Variants in TACR2 observed in about 807,000 individuals in gnomAD.
TACR2 encodes the protein substance-K receptor.
A neutral mutation model predicts 28.9 loss-of-function variants in TACR2; 24 were observed. That is an observed-to-expected ratio of 0.83 (90% CI 0.60 to 1.17). The LOEUF is 1.17. TACR2 is among the 50% of genes most tolerant of loss of function. The pLI, the probability that TACR2 is intolerant of heterozygous loss-of-function variation, is 0.00. For missense variants in TACR2, 487 were observed against 524.4 expected, an observed-to-expected ratio of 0.93 and a Z score of 0.70; for synonymous variants, 222 against 212.6, an observed-to-expected ratio of 1.04 and a Z score of -0.38.
rs201951611 is a variant in TACR2, at chr10:69,416,533, T to C, written c.-210A>G. ...AGCACAAAGCCCAGTCCAGAACCAT[T>C]GTCATTTCAGATTCCATCCTTCCGG... On this transcript the variant is annotated 5_prime_UTR_variant, in exon 1 of 5. Coordinates refer to ENST00000373306, the MANE Select transcript of TACR2 (RefSeq NM_001057.3). The C allele has an allele frequency of 2.9e-5, 15 of 523,746 alleles. No individual in the cohort carries two copies. The highest frequency in any genetic ancestry group is 4.8e-5 in the Non-Finnish European group (15 of 310,142). The allele number at this position is 523,746 out of a possible 1,614,324, so 32.4% of individuals were successfully genotyped here.
chr10:69,416,259 C>A lies in TACR2; in HGVS notation c.65G>T (p.Gly22Val), dbSNP rs1840618341. 1 of 1,612,958 alleles carries A rather than the reference C, an allele frequency of 6.2e-7. No homozygotes were observed. Among genetic ancestry groups the A allele is most frequent in the Admixed American group, 1.7e-5 (1 of 59,986 alleles). The part of the protein sequence containing the change: ...ISSGPESNTT[G>V]ITAFSMPSWQ... ...GCTGGGCATGGAGAAGGCTGTGATG[C>A]CCGTGGTGTTGCTCTCAGGGCCAGA... Residue 22 changes from glycine (G) to valine (V), a missense_variant, in exon 1 of 5, where the codon GGC becomes GTC. Transcript: ENST00000373306.
At chr10:69,410,243 G>A (rs1009883464) in intron 2 of TACR2, among the ~76,000 whole-genome samples, 3 of 151,990 alleles carry the variant, frequency 2.0e-5, no homozygotes, top group Non-Finnish European at 4.4e-5. Flanking sequence ...TAGGCCAGGC[G>A]TGGTGGCTCA....
chr10:69,412,261 G>A (rs1229206858), intron 2 of TACR2, among the ~76,000 whole-genome samples: 1 of 152,168 alleles, frequency 6.6e-6, no homozygotes, highest in Non-Finnish European at 1.5e-5. Flanking sequence ...TGATTATAAT[G>A]GCTCCAGTAA....
chr10:69,406,992 G>T, intron 4 of TACR2, 92 bp downstream of exon 4: 1 of 1,337,560 alleles, frequency 7.5e-7, no homozygotes, highest in South Asian at 1.3e-5. Flanking sequence ...CGGCAGGAAT[G>T]AGGATGGATG....
chr10:69,416,316 G>T lies in TACR2; in HGVS notation c.8C>A (p.Thr3Asn), dbSNP rs751286004. 10 of 1,588,322 alleles carry T rather than the reference G, an allele frequency of 6.3e-6. No individual in the cohort carries two copies. In the Admixed American group the frequency reaches 1.7e-4, roughly 27 times the overall value. ...ATTGGCTTCAGTCACAATGTCACAG[G>T]TCCCCATGGCTGCTTCTGGGTCTGG... MGTCDIVTEANIS... is the reference protein window; with the variant it reads MGNCDIVTEANIS... Residue 3 changes from threonine (T) to asparagine (N), a missense_variant, in exon 1 of 5, where the codon ACC (threonine) becomes AAC (asparagine). Transcript: ENST00000373306.
chr10:69,407,397 C>A, intron 3 of TACR2, 117 bp from the exon 4 acceptor site: 2 of 982,154 alleles, frequency 2.0e-6, no homozygotes, highest in South Asian at 1.7e-5. Flanking sequence ...ACACAGACCC[C>A]GTTAGCTCTA....
In TACR2 at chr10:69,409,882, CATATATACATATATATATATACATAT is replaced by C. The variant is rs1255431782; in HGVS notation, c.588-833_588-808del. Among the ~76,000 whole-genome samples, 823 of 113,182 alleles carry C rather than the reference CATATATACATATATATATATACATAT, an allele frequency of 7.3e-3. 20 individuals carry two copies. The highest frequency in any genetic ancestry group is 0.025 in the African/African-American group (725 of 29,130). The allele number at this position is 113,182 out of a possible 152,430, so 74.3% of individuals were successfully genotyped here. A position where few individuals can be genotyped will look rare whatever the true frequency, so the allele number is the denominator to read the frequency against. On this transcript the variant is annotated intron_variant, in intron 2 of 4. Transcript: ENST00000373306. ...ATGTATATGTATATATATATATATA[CATATATACATATATATATATACATAT>C]ATATATATATATATATATATATATA...
At chr10:69,412,325 C>T (rs923813441) in intron 2 of TACR2, among the ~76,000 whole-genome samples, 5 of 152,124 alleles carry the variant, frequency 3.3e-5, no homozygotes, top group Non-Finnish European at 7.3e-5. Flanking sequence ...TTTTGGCAAG[C>T]ATGCCAATTA....
At chr10:69,407,753 C>T (rs1018729223) in intron 3 of TACR2, among the ~76,000 whole-genome samples, 5 of 152,176 alleles carry the variant, frequency 3.3e-5, no homozygotes, top group African/African-American at 1.2e-4. Flanking sequence ...CCTGCCTCTG[C>T]CCACGGGTCA....
chr10:69,408,044 T>C (rs976604632), intron 3 of TACR2, among the ~76,000 whole-genome samples: 8 of 152,196 alleles, frequency 5.3e-5, no homozygotes, highest in Non-Finnish European at 8.8e-5. Flanking sequence ...ATGATGTGGT[T>C]AACCCATTAC....
Position 69,408,904 on chromosome 10 carries a change from C to T in TACR2, c.741+18G>A, listed in dbSNP as rs746699438. 4 of 1,292,860 alleles carry T rather than the reference C, an allele frequency of 3.1e-6. No homozygotes were observed. Among genetic ancestry groups the T allele is most frequent in the Non-Finnish European group, 4.0e-6 (4 of 1,002,308 alleles). 80.1% of individuals were successfully genotyped at this position (1,292,860 alleles called of 1,614,324 possible). ...CCTCCAGGCCCCGCCCCCTCCAGGCCCCCGCCCCCGCGCCCACCTTCTTCA... is the reference window on the plus strand; with the variant it reads ...CCTCCAGGCCCCGCCCCCTCCAGGCTCCCGCCCCCGCGCCCACCTTCTTCA... On this transcript the variant is annotated intron_variant, in intron 3 of 4. Coordinates refer to ENST00000373306, the MANE Select transcript of TACR2 (RefSeq NM_001057.3).
intron 2 of TACR2, among the ~76,000 whole-genome samples, chr10:69,409,865 G>GTATATATATATATATACATATATACA (rs60694286): frequency 1.3e-4 from 15 of 118,970 alleles, no homozygotes; most frequent in Admixed American, 1.1e-3. Flanking sequence ...ATATGTATAT[G>GTATATATATATATATACATATATACA]TATATATATA....
Position 69,415,979 on chromosome 10 carries a change from T to C in TACR2, c.345A>G (p.Thr115=), listed in dbSNP as rs370058309. Residue 115 remains threonine, a synonymous_variant, in exon 1 of 5, where the codon ACA becomes ACG. Transcript: ENST00000373306. ...FCYFQNLFPI[T]AMFVSIYSMT... is the part of the protein sequence containing the mutation. ...TGGAGTAGATGCTGACAAACATGGC[T>C]GTGATGGGGAAGAGGTTCTGGAAGT... is the stretch of plus-strand genomic sequence containing the variant. 1 of 1,614,008 alleles carries C rather than the reference T, an allele frequency of 6.2e-7. No homozygotes were observed. The highest frequency in any genetic ancestry group is 1.3e-5 in the African/African-American group (1 of 74,908).
intron 2 of TACR2, among the ~76,000 whole-genome samples, chr10:69,409,874 TATATATAC>T (rs1840547681): frequency 4.9e-5 from 1 of 20,392 alleles, no homozygotes; most frequent in Non-Finnish European, 8.9e-5. Flanking sequence ...TGTATATATA[TATATATAC>T]ATATATACAT....
intron 2 of TACR2, among the ~76,000 whole-genome samples, chr10:69,414,253 C>T (rs1840592551): frequency 1.3e-5 from 2 of 152,230 alleles, no homozygotes; most frequent in Non-Finnish European, 2.9e-5. Context: ...CTGAAAATGT[C>T]CCAGGCTCCA....
rs543543981 is a variant in TACR2, at chr10:69,403,922, A to C, written c.*904T>G. Reference sequence around the variant, plus strand: ...AAGACTCACATACAAATGTGGATTTATAGCTTCTCTTGAAAGATTTAGAAG... The same window carrying C: ...AAGACTCACATACAAATGTGGATTTCTAGCTTCTCTTGAAAGATTTAGAAG... On this transcript the variant is annotated 3_prime_UTR_variant, in exon 5 of 5. Transcript: ENST00000373306. 6.6e-6 allele frequency: 1 copy of C among 152,354 alleles called. No individual in the cohort carries two copies. Among genetic ancestry groups the C allele is most frequent in the South Asian group, 2.1e-4 (1 of 4,832 alleles). The allele number at this position is 152,354 out of a possible 1,614,324, so 9.4% of individuals were successfully genotyped here.
At position 69,416,061 on chromosome 10, in the gene TACR2, G is replaced by A; in HGVS notation, c.263C>T (p.Ala88Val). The A allele has an allele frequency of 6.2e-7, 1 of 1,614,206 alleles. No homozygotes were observed. Among genetic ancestry groups the A allele is most frequent in the Non-Finnish European group, 8.5e-7 (1 of 1,180,026 alleles). The change falls in exon 1 of 5, where the codon GCC (alanine) becomes GTC (valine). Residue 88 changes from alanine (A) to valine (V), a missense_variant. Physicochemically the swap from Ala to Val is moderately conservative, Grantham distance 64 (BLOSUM62 0). Transcript: ENST00000373306. Reference sequence around the variant, plus strand: ...GTGGCTGGCATAGACAAAGTTGAAGGCGGCATTGAAGGCAGCCATGCAGAG... The same window carrying A: ...GTGGCTGGCATAGACAAAGTTGAAGACGGCATTGAAGGCAGCCATGCAGAG... The part of the protein sequence containing the change: ...ADLCMAAFNA[A>V]FNFVYASHNI...
intron 2 of TACR2, among the ~76,000 whole-genome samples, chr10:69,413,879 G>T (rs1007236426): frequency 1.3e-5 from 2 of 152,194 alleles, no homozygotes; most frequent in African/African-American, 2.4e-5. Flanking sequence ...TGCCAGGCAT[G>T]GTGCTAAGGG....
Position 69,404,946 on chromosome 10 carries a change from C to T in TACR2, c.1077G>A (p.Met359Ile), listed in dbSNP as rs1400331610. Residue 359 changes from methionine (M) to isoleucine (I), a missense_variant, in exon 5 of 5, where the codon ATG (methionine) becomes ATA (isoleucine). Met to Ile is a conservative substitution (Grantham distance 10, BLOSUM62 1). Transcript: ENST00000373306. ...NRCHTKETLF[M>I]AGDTAPSEAT... ...CCTCGGAGGGGGCTGTGTCCCCAGC[C>T]ATGAACAAAGTCTCCTTAGTGTGAC... 6.2e-7 allele frequency: 1 copy of T among 1,614,236 alleles called. No homozygotes were observed. Among genetic ancestry groups the T allele is most frequent in the Admixed American group, 1.7e-5 (1 of 60,032 alleles).
Sources: gnomAD v4.1 joint callset for allele counts (sites outside exome capture counted in the v4.1 genomes callset) on GRCh38, gnomAD v4.1.1 for gene constraint, MANE v1.5 for transcripts, NCBI Gene and HGNC (gene_info 2026-07-23, HGNC 2026-07-21) for gene names.